The following DRC11 variants were observed in gnomAD, a reference collection of about 807,000 sequenced individuals.
DRC11 encodes dynein regulatory complex subunit 11.
the DRC11 span, among the ~76,000 whole-genome samples, chr2:236,430,552 C>T: frequency 6.6e-6 from 1 of 152,154 alleles, no homozygotes; most frequent in Non-Finnish European, 1.5e-5. The surrounding 1 kb of genome is among the most constrained non-coding windows in gnomAD (Gnocchi z 6.0). Context: ...TGTATTGTAA[C>T]AATTTATTTG....
chr2:236,342,404 G>A, the DRC11 span, among the ~76,000 whole-genome samples: 1 of 152,188 alleles, frequency 6.6e-6, no homozygotes, highest in Non-Finnish European at 1.5e-5. The surrounding 1 kb of genome is among the most constrained non-coding windows in gnomAD (Gnocchi z 5.8). Context: ...GCTGCCCTTG[G>A]CTTTTGGTCA....
chr2:236,384,263 T>C, the DRC11 span, among the ~76,000 whole-genome samples: 1 of 152,086 alleles, frequency 6.6e-6, no homozygotes. Context: ...ATGGTTGAAC[T>C]AGTTTACAGT....
At chr2:236,486,328 G>T in the DRC11 span, among the ~76,000 whole-genome samples, 1 of 152,198 alleles carries the variant, frequency 6.6e-6, no homozygotes, top group Non-Finnish European at 1.5e-5. The surrounding 1 kb of genome is among the most constrained non-coding windows in gnomAD (Gnocchi z 5.7). Flanking sequence ...ACCTAGTTAA[G>T]GTGTACCCAG....
the DRC11 span, among the ~76,000 whole-genome samples, chr2:236,462,135 T>C: frequency 6.6e-6 from 1 of 151,938 alleles, no homozygotes; most frequent in Non-Finnish European, 1.5e-5. This position sits in a 1 kb window ranked among gnomAD's most constrained non-coding sequence, Gnocchi z 6.4. Context: ...CTGGGCAGCA[T>C]GGTGTGGGGC....
the DRC11 span, among the ~76,000 whole-genome samples, chr2:236,390,757 G>C: frequency 0.017 from 2,566 of 151,702 alleles, 84 homozygotes; most frequent in African/African-American, 0.059. The surrounding 1 kb of genome is among the most constrained non-coding windows in gnomAD (Gnocchi z 5.9). Context: ...AGGGTTTGTG[G>C]GAGGCCCATG....
chr2:236,358,743 G>GA, the DRC11 span, among the ~76,000 whole-genome samples: 77 of 149,494 alleles, frequency 5.2e-4, no homozygotes, highest in African/African-American at 1.9e-3. Flanking sequence ...TTACAGATGA[G>GA]AAAAGTGACA....
chr2:236,339,225 T>C, the DRC11 span, among the ~76,000 whole-genome samples: 1 of 152,200 alleles, frequency 6.6e-6, no homozygotes, highest in Non-Finnish European at 1.5e-5. Flanking sequence ...GAAAAATGTG[T>C]ATTTAGATTG....
At chr2:236,439,708 A>G in the DRC11 span, among the ~76,000 whole-genome samples, 3 of 151,998 alleles carry the variant, frequency 2.0e-5, no homozygotes, top group African/African-American at 7.2e-5. Flanking sequence ...CCTTTTTCTT[A>G]TTTGTTTGGC....
chr2:236,379,118 C>T, the DRC11 span, among the ~76,000 whole-genome samples: 1 of 150,416 alleles, frequency 6.6e-6, no homozygotes, highest in Admixed American at 6.6e-5. Flanking sequence ...CCTCCTCTTC[C>T]CCCCGCAGAG....
the DRC11 span, among the ~76,000 whole-genome samples, chr2:236,376,107 T>C: frequency 6.6e-6 from 1 of 152,204 alleles, no homozygotes; most frequent in Non-Finnish European, 1.5e-5. This position sits in a 1 kb window ranked among gnomAD's most constrained non-coding sequence, Gnocchi z 5.7. Context: ...CAAAGTGGCA[T>C]TAAGTGCCCC....
At chr2:236,366,050 C>T in the DRC11 span, among the ~76,000 whole-genome samples, 1 of 152,150 alleles carries the variant, frequency 6.6e-6, no homozygotes, top group African/African-American at 2.4e-5. Context: ...AAAAGCTGGA[C>T]CACGTCCACC....
chr2:236,501,007 A>G, the DRC11 span, among the ~76,000 whole-genome samples: 75 of 152,244 alleles, frequency 4.9e-4, no homozygotes, highest in African/African-American at 1.8e-3. Context: ...AAGACTGGGT[A>G]ATTTATAAAG....
chr2:236,488,063 C>T, the DRC11 span: 2 of 1,607,392 alleles, frequency 1.2e-6, no homozygotes, highest in Non-Finnish European at 1.7e-6. Context: ...TCTTGGATTG[C>T]TTTGCTCTAT....
the DRC11 span, among the ~76,000 whole-genome samples, chr2:236,492,747 A>G: frequency 6.6e-6 from 1 of 152,190 alleles, no homozygotes; most frequent in African/African-American, 2.4e-5. Flanking sequence ...AAAGGGTGGG[A>G]AGAAGACTCC....
chr2:236,358,616 G>A, the DRC11 span, among the ~76,000 whole-genome samples: 1,297 of 144,892 alleles, frequency 9.0e-3, 16 homozygotes, highest in African/African-American at 0.032. Flanking sequence ...ACAGCGGAGC[G>A]GGAAGGGCTT....
the DRC11 span, among the ~76,000 whole-genome samples, chr2:236,503,958 A>G: frequency 1.3e-5 from 2 of 152,198 alleles, no homozygotes; most frequent in Non-Finnish European, 2.9e-5. The surrounding 1 kb of genome is among the most constrained non-coding windows in gnomAD (Gnocchi z 4.9). Context: ...TTGATGAGAG[A>G]GAATTCACAC....
chr2:236,494,623 G>T, the DRC11 span, among the ~76,000 whole-genome samples: 5 of 151,936 alleles, frequency 3.3e-5, no homozygotes, highest in African/African-American at 1.2e-4. This position sits in a 1 kb window ranked among gnomAD's most constrained non-coding sequence, Gnocchi z 4.2. Flanking sequence ...GAAAGCAAAG[G>T]TCTTTGTTTT....
the DRC11 span, among the ~76,000 whole-genome samples, chr2:236,374,974 T>A: frequency 1.3e-5 from 2 of 151,686 alleles, no homozygotes; most frequent in African/African-American, 4.8e-5. Flanking sequence ...GTGCTGGGAT[T>A]ACAGGTGTGA....
At chr2:236,488,709 T>A in the DRC11 span, among the ~76,000 whole-genome samples, 1 of 152,208 alleles carries the variant, frequency 6.6e-6, no homozygotes, top group Non-Finnish European at 1.5e-5. Context: ...ATATGAAAAG[T>A]CTTCCAGTGT....
Sources: allele counts gnomAD v4.1 joint callset (sites outside exome capture counted in the v4.1 genomes callset), GRCh38; gene constraint gnomAD v4.1.1; non-coding constraint Gnocchi (gnomAD v3.1); transcripts MANE v1.5; gene names NCBI Gene and HGNC (gene_info 2026-07-23, HGNC 2026-07-21).